UST: variants seen among roughly 807,000 people sequenced by gnomAD.
The protein encoded by UST is uronyl 2-sulfotransferase.
Under a neutral mutation model 45.6 loss-of-function variants are expected in UST, and 21 were observed. That is an observed-to-expected ratio of 0.46 (90% confidence interval 0.33 to 0.66). The LOEUF (loss-of-function observed/expected upper bound fraction) is 0.66, where lower values mean the gene tolerates loss of function less well. UST is among the 30% of genes least tolerant of loss of function. UST has a pLI of 0.02. For missense variants in UST, 463 were observed against 512.4 expected, an observed-to-expected ratio of 0.90 and a Z score of 0.93; for synonymous variants, 215 against 200.6, an observed-to-expected ratio of 1.07 and a Z score of -0.61.
At chr6:148,871,117 C>CCTCTCT (rs749134391) in intron 1 of UST, among the ~76,000 whole-genome samples, 1,977 of 97,536 alleles carry the variant, frequency 0.02, 107 homozygotes, top group African/African-American at 0.047. Flanking sequence ...GCATTCTCTC[C>CCTCTCT]CTCTCTCTCT....
intron 5 of UST, among the ~76,000 whole-genome samples, chr6:149,012,433 A>G (rs1775828860): frequency 6.6e-6 from 1 of 152,192 alleles, no homozygotes; most frequent in Admixed American, 6.5e-5. Context: ...TGGTCCACTT[A>G]TGGGTCAAGG....
In UST at chr6:149,021,453, G is replaced by T. The variant is rs1360940107; in HGVS notation, c.909G>T (p.Lys303Asn). The change falls in exon 7 of 8, where the codon AAG becomes AAT. Residue 303 changes from lysine (K) to asparagine (N), a missense_variant. Lys to Asn is a moderately conservative substitution (Grantham distance 94). This residue lies in a region of UST where 287 missense variants were observed against 374.2 expected (regional missense o/e 0.77). Coordinates refer to ENST00000367463, the MANE Select transcript of UST (RefSeq NM_005715.3). ...LLERFLPHYF[K>N]GVLSIYKDPE... The stretch of plus-strand genomic sequence containing the variant: ...AAAGATTTTTACCTCATTACTTCAA[G>T]GGCGTGCTCAGTATCTACAAAGACC... 2 of 1,614,164 alleles carry T rather than the reference G, an allele frequency of 1.2e-6. No homozygotes were observed. Among genetic ancestry groups the T allele is most frequent in the Admixed American group, 3.3e-5 (2 of 60,016 alleles).
At chr6:148,959,731 C>T (rs1780609514) in intron 4 of UST, among the ~76,000 whole-genome samples, 1 of 152,182 alleles carries the variant, frequency 6.6e-6, no homozygotes, top group African/African-American at 2.4e-5. Context: ...TACCCACCTC[C>T]TTCCCCATTT....
intron 1 of UST, among the ~76,000 whole-genome samples, chr6:148,803,603 T>C (rs1279942383): frequency 1.3e-5 from 2 of 152,210 alleles, no homozygotes; most frequent in Non-Finnish European, 2.9e-5. Flanking sequence ...TGTTCTCTCC[T>C]CTGGAGCCAG....
At chr6:148,878,415 G>T (rs1249209524) in intron 1 of UST, among the ~76,000 whole-genome samples, 2 of 114,140 alleles carry the variant, frequency 1.8e-5, no homozygotes, top group Admixed American at 8.6e-5. Context: ...GTGTATGAGT[G>T]GGGGGGTCGT....
At chr6:149,034,674 A>G (rs1776203514) in intron 7 of UST, among the ~76,000 whole-genome samples, 1 of 152,044 alleles carries the variant, frequency 6.6e-6, no homozygotes, top group African/African-American at 2.4e-5. Flanking sequence ...CGGGGATGCT[A>G]TTTCTTGATT....
At chr6:149,016,910 G>A (rs957212675) in intron 5 of UST, among the ~76,000 whole-genome samples, 1 of 152,150 alleles carries the variant, frequency 6.6e-6, no homozygotes, top group Non-Finnish European at 1.5e-5. Context: ...GGGTTATTGG[G>A]TCCCTCGGAC....
chr6:149,002,205 G>T (rs1223020206), intron 5 of UST, among the ~76,000 whole-genome samples: 1 of 151,800 alleles, frequency 6.6e-6, no homozygotes, highest in African/African-American at 2.4e-5. Context: ...TTCTAAAGCA[G>T]TAGAGGACAG....
At chr6:148,793,747 CCTT>C (rs558339167) in intron 1 of UST, among the ~76,000 whole-genome samples, 264 of 152,244 alleles carry the variant, frequency 1.7e-3, no homozygotes, top group African/African-American at 6.1e-3. Flanking sequence ...TAGTATGTCT[CCTT>C]CTGAGTTCGT....
intron 1 of UST, among the ~76,000 whole-genome samples, chr6:148,780,331 T>C (rs532497746): frequency 6.6e-6 from 1 of 152,158 alleles, no homozygotes; most frequent in Non-Finnish European, 1.5e-5. Flanking sequence ...AGGTTTGTTA[T>C]ATAGGTAAAC....
chr6:148,789,922 C>A (rs1776807300), intron 1 of UST, among the ~76,000 whole-genome samples: 1 of 151,066 alleles, frequency 6.6e-6, no homozygotes, highest in Non-Finnish European at 1.5e-5. Context: ...AATGAAGACT[C>A]ATAAATAAAT....
rs1488321292 is a variant in UST, at chr6:149,074,937, C to A, written c.*821C>A. The A allele has an allele frequency of 2.0e-5, 3 of 152,324 alleles. No homozygotes were observed. Among genetic ancestry groups the A allele is most frequent in the African/African-American group, 7.2e-5 (3 of 41,426 alleles). The allele number at this position is 152,324 out of a possible 1,614,324, so 9.4% of individuals were successfully genotyped here. A position where few individuals can be genotyped will look rare whatever the true frequency, so the allele number is the denominator to read the frequency against. On this transcript the variant is annotated 3_prime_UTR_variant, in exon 8 of 8. Transcript: ENST00000367463. ...ACCTTTCAAGGTCAAAGTGCATGGC[C>A]AGCTCCATTGAGACATTCCATTTCA... is the stretch of plus-strand genomic sequence containing the variant.
intron 7 of UST, among the ~76,000 whole-genome samples, chr6:149,031,094 C>G (rs1206875323): frequency 6.6e-6 from 1 of 151,950 alleles, no homozygotes; most frequent in African/African-American, 2.4e-5. Context: ...GTAATCCCAG[C>G]TACTCAGGAG....
chr6:148,981,535 A>G (rs1323504544), intron 5 of UST, among the ~76,000 whole-genome samples: 1 of 152,192 alleles, frequency 6.6e-6, no homozygotes, highest in East Asian at 1.9e-4. Flanking sequence ...AGCTTATTGC[A>G]TAGGAAGGTC....
intron 1 of UST, among the ~76,000 whole-genome samples, chr6:148,832,148 G>A (rs1009280771): frequency 1.3e-5 from 2 of 152,096 alleles, no homozygotes. Flanking sequence ...GCACCACCAC[G>A]CCCAGTTAAT....
At chr6:148,922,551 C>T (rs1286491586) in intron 2 of UST, among the ~76,000 whole-genome samples, 1 of 148,636 alleles carries the variant, frequency 6.7e-6, no homozygotes, top group Non-Finnish European at 1.5e-5. Context: ...TGCAGTGGCA[C>T]GATCTCAGCT....
chr6:148,849,701 A>T (rs770143106), intron 1 of UST, among the ~76,000 whole-genome samples: 5 of 152,128 alleles, frequency 3.3e-5, no homozygotes, highest in Admixed American at 6.5e-5. Context: ...AAACCATCAG[A>T]TCTTGTGAGA....
At chr6:148,880,120 A>G (rs1285885910) in intron 1 of UST, among the ~76,000 whole-genome samples, 1 of 150,604 alleles carries the variant, frequency 6.6e-6, no homozygotes, top group East Asian at 2.0e-4. Context: ...AGGCTCAGCT[A>G]ATTTTTGTAT....
intron 1 of UST, among the ~76,000 whole-genome samples, chr6:148,750,573 C>T (rs1775971486): frequency 6.6e-6 from 1 of 152,168 alleles, no homozygotes; most frequent in Admixed American, 6.5e-5. Context: ...CATTGCATAG[C>T]ACTATGGGCA....
Sources: gnomAD v4.1 joint callset for allele counts (sites outside exome capture counted in the v4.1 genomes callset) on GRCh38, gnomAD v4.1.1 for gene constraint, gnomAD v4.1.1 regional missense constraint, MANE v1.5 for transcripts, NCBI Gene and HGNC (gene_info 2026-07-23, HGNC 2026-07-21) for gene names.